IQCK: variants seen among roughly 807,000 people sequenced by gnomAD.
The protein encoded by IQCK is IQ domain-containing protein K.
IQCK carries 29 observed loss-of-function variants against 28.1 expected under a neutral mutation model. The ratio of observed to expected loss-of-function variants is 1.03; its 90% CI spans 0.77 to 1.41. The LOEUF (loss-of-function observed/expected upper bound fraction) is 1.41. IQCK is among the 40% of genes most tolerant of loss of function. The pLI is 0.00. For missense variants in IQCK, 359 were observed against 314.7 expected (o/e 1.14, Z -1.07); for synonymous variants, 113 against 115.1 (o/e 0.98, Z 0.12).
intron 9 of IQCK, among the ~76,000 whole-genome samples, chr16:19,855,797 A>C (rs1001660661): frequency 6.6e-6 from 1 of 152,160 alleles, no homozygotes; most frequent in African/African-American, 2.4e-5. Context: ...ACCACCTTTC[A>C]AGACATTCAC....
intron 4 of IQCK, among the ~76,000 whole-genome samples, chr16:19,742,238 G>T (rs1325913579): frequency 6.6e-6 from 1 of 152,126 alleles, no homozygotes; most frequent in Non-Finnish European, 1.5e-5. Flanking sequence ...TGCTTCTCAC[G>T]CTTTGCCAGG....
chr16:19,763,903 A>G lies in IQCK; in HGVS notation c.527+3A>G. Reference sequence around the variant, plus strand: ...TTTCTGACTGAGTGGTTATACAAGTAAGTTGTTCGTGTCTGACTATTCAGT... The same window carrying G: ...TTTCTGACTGAGTGGTTATACAAGTGAGTTGTTCGTGTCTGACTATTCAGT... On this transcript the variant is annotated splice_donor_region_variant and intron_variant, in intron 5 of 7. Transcript: ENST00000564186. 1.2e-6 allele frequency: 2 copies of G among 1,613,304 alleles called. No homozygotes were observed. Among genetic ancestry groups the G allele is most frequent in the Non-Finnish European group, 1.7e-6 (2 of 1,179,216 alleles).
chr16:19,724,926 T>C (rs1310941317), intron 1 of IQCK, among the ~76,000 whole-genome samples: 3 of 152,054 alleles, frequency 2.0e-5, no homozygotes, highest in Non-Finnish European at 2.9e-5. Flanking sequence ...ACAAAGATGG[T>C]TAATTATTCT....
intron 1 of IQCK, among the ~76,000 whole-genome samples, chr16:19,727,375 T>G (rs578038695): frequency 3.4e-4 from 52 of 152,114 alleles, no homozygotes; most frequent in African/African-American, 1.2e-3. Flanking sequence ...TTGCCTGAGC[T>G]TAGGAGTTCG....
chr16:19,815,376 G>A (rs2055972634), intron 7 of IQCK, among the ~76,000 whole-genome samples: 1 of 152,130 alleles, frequency 6.6e-6, no homozygotes, highest in African/African-American at 2.4e-5. Context: ...AAAGGCCGAC[G>A]CCAGTGGCTT....
rs140744037 is a variant in IQCK, at chr16:19,768,756, A to C, written c.605+4644A>C. Among the ~76,000 whole-genome samples, 297 of 152,276 alleles carry C rather than the reference A, an allele frequency of 2.0e-3. 3 individuals carry two copies. Among genetic ancestry groups the C allele is most frequent in the African/African-American group, 7.0e-3 (289 of 41,560 alleles). ...GTGAGACTCCATCTCAAAAAAACAA[A>C]AAACAAACAAACAAAAATATATCTC... is the stretch of plus-strand genomic sequence containing the variant. On this transcript the variant is annotated intron_variant, in intron 6 of 7. Transcript: ENST00000564186.
chr16:19,753,066 G>GAA (rs2055008237), intron 4 of IQCK, among the ~76,000 whole-genome samples: 1 of 152,044 alleles, frequency 6.6e-6, no homozygotes, highest in African/African-American at 2.4e-5. Context: ...GAGAGAGAGA[G>GAA]AGAGAGAGTC....
In IQCK at chr16:19,764,021, G is replaced by A; in HGVS notation, c.528-14G>A. The A allele has an allele frequency of 3.1e-6, 5 of 1,612,988 alleles. No homozygotes were observed. Among genetic ancestry groups the A allele is most frequent in the Non-Finnish European group, 4.2e-6 (5 of 1,179,004 alleles). On this transcript the variant is annotated splice_polypyrimidine_tract_variant and intron_variant, in intron 5 of 7. Transcript: ENST00000564186. The stretch of plus-strand genomic sequence containing the variant: ...TTGTTTTCTTGTCAATCAAACATAT[G>A]GCATCATGACCAGCCAAAATCCAAA...
chr16:19,849,456 T>C (rs1045871763), intron 9 of IQCK, among the ~76,000 whole-genome samples: 2 of 148,950 alleles, frequency 1.3e-5, no homozygotes, highest in African/African-American at 4.9e-5. Context: ...AAAGTAAACT[T>C]TTTTTTTTCT....
chr16:19,734,223 G>A lies in IQCK; in HGVS notation c.376+396G>A, dbSNP rs976363676. ...TTTAAAAAAAAAATTATCACTGGAT[G>A]CAGTGGCTCATGCCTATAATCCCAG... On this transcript the variant is annotated intron_variant, in intron 3 of 7. Transcript: ENST00000564186. Among the ~76,000 whole-genome samples the A allele has an allele frequency of 2.1e-4, 32 of 152,030 alleles. 1 individual carries two copies. The highest frequency in any genetic ancestry group is 2.0e-3 in the Admixed American group (30 of 15,250).
chr16:19,761,216 G>A (rs369125256), intron 4 of IQCK: 5 of 348,066 alleles, frequency 1.4e-5, no homozygotes, highest in African/African-American at 4.3e-5. Flanking sequence ...TCTGGTTCAC[G>A]TGCCTCTGAC....
chr16:19,763,955 T>C, intron 5 of IQCK, 55 bp downstream of exon 5: 1 of 1,596,544 alleles, frequency 6.3e-7, no homozygotes, highest in Non-Finnish European at 8.6e-7. Context: ...TCGTGTTAAT[T>C]TGCAAGCAGA....
intron 4 of IQCK, among the ~76,000 whole-genome samples, chr16:19,752,288 G>A (rs2054996784): frequency 6.6e-6 from 1 of 152,118 alleles, no homozygotes; most frequent in African/African-American, 2.4e-5. Context: ...AACTTCACTT[G>A]GAAATTCTTT....
At chr16:19,828,421 A>G (rs1389553468), downstream of IQCK, among the ~76,000 whole-genome samples, 1 of 146,196 alleles carries the variant, frequency 6.8e-6, no homozygotes, top group African/African-American at 2.5e-5. Flanking sequence ...TTTAGTAGAG[A>G]CAGGGTGTCA....
chr16:19,747,921 A>C (rs559261436), intron 4 of IQCK, among the ~76,000 whole-genome samples: 1 of 152,108 alleles, frequency 6.6e-6, no homozygotes, highest in Non-Finnish European at 1.5e-5. Context: ...CCTTTTTGCA[A>C]CTTACCGTAT....
intron 7 of IQCK, among the ~76,000 whole-genome samples, chr16:19,818,383 G>A (rs946488937): frequency 5.3e-5 from 8 of 151,870 alleles, no homozygotes; most frequent in Admixed American, 1.3e-4. Flanking sequence ...CATATATAAC[G>A]TTTTACATAT....
At chr16:19,723,377 T>A (rs1977557101) in intron 1 of IQCK, among the ~76,000 whole-genome samples, 1 of 152,182 alleles carries the variant, frequency 6.6e-6, no homozygotes, top group South Asian at 2.1e-4. Context: ...GTTCACAACA[T>A]ACCATTCACC....
At chr16:19,730,331 C>A in intron 1 of IQCK, 99 bp from the exon 2 acceptor site, 1 of 898,830 alleles carries the variant, frequency 1.1e-6, no homozygotes, top group Non-Finnish European at 1.7e-6. Context: ...CACCACCAGC[C>A]AAAATAAAAT....
At chr16:19,751,394 C>G (rs2054984805) in intron 4 of IQCK, among the ~76,000 whole-genome samples, 1 of 152,104 alleles carries the variant, frequency 6.6e-6, no homozygotes, top group Admixed American at 6.5e-5. Flanking sequence ...GAGAGGATTG[C>G]TTGAGCCCAA....
Sources: allele counts gnomAD v4.1 joint callset (sites outside exome capture counted in the v4.1 genomes callset), GRCh38; gene constraint gnomAD v4.1.1; transcripts MANE v1.5; gene names NCBI Gene and HGNC (gene_info 2026-07-23, HGNC 2026-07-21).